The following CFAP69 variants were observed in gnomAD, a reference collection of about 807,000 sequenced individuals.
CFAP69 encodes cilia- and flagella-associated protein 69.
A neutral mutation model predicts 123.0 loss-of-function variants in CFAP69; 92 were observed. The ratio of observed to expected loss-of-function variants is 0.75; its 90% confidence interval spans 0.63 to 0.89. CFAP69 has a LOEUF of 0.89. Ranked by LOEUF, CFAP69 falls within the 40% of genes least tolerant of loss-of-function variation. CFAP69 has a pLI of 0.00. For synonymous variants in CFAP69, 380 were observed against 364.3 expected (o/e 1.04, Z -0.49); for missense variants, 1,067 against 1,096.9 (o/e 0.97, Z 0.39).
At chr7:90,282,762 TAA>T in intron 12 of CFAP69, 128 bp from the exon 13 acceptor site, 1 of 659,898 alleles carries the variant, frequency 1.5e-6, no homozygotes, top group Non-Finnish European at 2.2e-6. Flanking sequence ...TTTATTTCTC[TAA>T]AAAAAAACTA....
chr7:90,260,317 G>A (rs558553692), intron 3 of CFAP69, among the ~76,000 whole-genome samples: 1 of 152,002 alleles, frequency 6.6e-6, no homozygotes, highest in South Asian at 2.1e-4. Flanking sequence ...TTTGAGGCCA[G>A]GAGTTTGAAA....
At chr7:90,255,563 A>C in intron 2 of CFAP69, 81 bp downstream of exon 2, 2 of 1,045,278 alleles carry the variant, frequency 1.9e-6, no homozygotes, top group South Asian at 2.7e-5. Flanking sequence ...ATTCCTTCAA[A>C]TGTAAGTCTC....
the CFAP69 span, chr7:90,318,111 A>G: frequency 7.9e-5 from 12 of 152,190 alleles, no homozygotes; most frequent in African/African-American, 2.9e-4. Context: ...GGCTTTTACG[A>G]CATGCATTCA....
At chr7:90,293,206 G>A (rs2117234020) in intron 15 of CFAP69, among the ~76,000 whole-genome samples, 1 of 152,210 alleles carries the variant, frequency 6.6e-6, no homozygotes, top group South Asian at 2.1e-4. Flanking sequence ...CCTGTATGAT[G>A]TTTATACCAA....
At chr7:90,308,488 C>T (rs539674283) in intron 21 of CFAP69, among the ~76,000 whole-genome samples, 55 of 152,256 alleles carry the variant, frequency 3.6e-4, no homozygotes, top group Admixed American at 1.4e-3. Flanking sequence ...AAAAATCTCT[C>T]CTTCATTTCT....
rs1796195573 is a variant in CFAP69, at chr7:90,245,344, G to C, written c.-81G>C. 2 of 1,423,000 alleles carry C rather than the reference G, an allele frequency of 1.4e-6. No homozygotes were observed. The highest frequency in any genetic ancestry group is 2.8e-5 in the East Asian group (1 of 35,822). 88.1% of individuals were successfully genotyped at this position (1,423,000 alleles called of 1,614,324 possible). Reference sequence around the variant, plus strand: ...CAGGCTGCCTTCCCTTCTCGGTGGCGGGGCCTCTTTGGGCCCAGCGGCTGC... The same window carrying C: ...CAGGCTGCCTTCCCTTCTCGGTGGCCGGGCCTCTTTGGGCCCAGCGGCTGC... On this transcript the variant is annotated 5_prime_UTR_variant, in exon 1 of 23. Transcript: ENST00000389297.
intron 6 of CFAP69, among the ~76,000 whole-genome samples, chr7:90,268,693 A>C (rs1326265496): frequency 6.6e-6 from 1 of 152,142 alleles, no homozygotes; most frequent in Non-Finnish European, 1.5e-5. Context: ...ATTATTTTTT[A>C]AACACTTTAT....
At chr7:90,293,133 T>A (rs1312096912) in intron 15 of CFAP69, among the ~76,000 whole-genome samples, 1 of 152,212 alleles carries the variant, frequency 6.6e-6, no homozygotes, top group Non-Finnish European at 1.5e-5. Context: ...CACATACCAA[T>A]AACACATTTA....
chr7:90,281,899 A>G (rs1483911929), intron 12 of CFAP69, among the ~76,000 whole-genome samples: 2 of 152,204 alleles, frequency 1.3e-5, no homozygotes, highest in Admixed American at 6.5e-5. Flanking sequence ...CTATATATCA[A>G]TAAGAAAACA....
Position 90,277,120 on chromosome 7 carries a change from A to G in CFAP69, c.1032A>G (p.Glu344=), listed in dbSNP as rs1788731902. The G allele has an allele frequency of 6.3e-7, 1 of 1,578,866 alleles. No homozygotes were observed. Among genetic ancestry groups the G allele is most frequent in the South Asian group, 1.2e-5 (1 of 85,566 alleles). The change falls in exon 10 of 23, where the codon GAA becomes GAG. Residue 344 remains glutamate, a splice_region_variant and synonymous_variant. Coordinates refer to ENST00000389297, the MANE Select transcript of CFAP69 (RefSeq NM_001039706.3). Reference sequence around the variant, plus strand: ...TGATACTGTTTGCCACCTTTAATGAAGGTAAAAAGAATAAAACTTTAAACT... The same window carrying G: ...TGATACTGTTTGCCACCTTTAATGAGGGTAAAAAGAATAAAACTTTAAACT... ...KDLILFATFN[E]VKSQNLLVKG...
chr7:90,271,601 C>G lies in CFAP69; in HGVS notation c.608C>G (p.Ser203Ter). The change falls in exon 7 of 23, where the codon TCA (serine) becomes TGA (stop). Residue 203 changes from serine to a stop codon, truncating the protein, a stop_gained. Transcript: ENST00000389297. LOFTEE classifies it high-confidence loss of function. ...VGGLAKTMVQSMTLLENQLVE... is the reference protein window; with the variant it reads ...VGGLAKTMVQ ...GGATTAGCAAAAACAATGGTCCAGT[C>G]AATGACCTTGCTTGAAAATCAACTT... is the stretch of plus-strand genomic sequence containing the variant. 4.3e-6 allele frequency: 7 copies of G among 1,613,552 alleles called. No homozygotes were observed. Among genetic ancestry groups the G allele is most frequent in the Non-Finnish European group, 5.9e-6 (7 of 1,179,656 alleles).
intron 12 of CFAP69, 51 bp downstream of exon 12, chr7:90,279,944 C>G: frequency 7.1e-7 from 1 of 1,400,082 alleles, no homozygotes. Context: ...CATATTTCAA[C>G]TGAATGCTCA....
Position 90,274,117 on chromosome 7 carries a change from A to G in CFAP69, c.984+7A>G. 2 of 1,592,904 alleles carry G rather than the reference A, an allele frequency of 1.3e-6. No homozygotes were observed. The highest frequency in any genetic ancestry group is 1.4e-5 in the African/African-American group (1 of 73,452). On this transcript the variant is annotated splice_region_variant and intron_variant, in intron 9 of 22. Coordinates refer to ENST00000389297, the MANE Select transcript of CFAP69 (RefSeq NM_001039706.3). ...TCCTGAAGCACCAATGATTGTAAGT[A>G]TGAATCAAATTGCATTAATTTTAAT... is the stretch of plus-strand genomic sequence containing the variant.
chr7:90,290,618 C>G (rs1286869864), intron 15 of CFAP69, among the ~76,000 whole-genome samples: 2 of 152,136 alleles, frequency 1.3e-5, no homozygotes, highest in African/African-American at 4.8e-5. Flanking sequence ...CTGGGACCAC[C>G]TGAATGGGAG....
intron 16 of CFAP69, among the ~76,000 whole-genome samples, chr7:90,299,422 G>A (rs895994626): frequency 2.0e-5 from 3 of 152,046 alleles, no homozygotes; most frequent in African/African-American, 7.2e-5. Flanking sequence ...GTCATTTGCA[G>A]TTACCATCAG....
chr7:90,264,103 AAATATATATATATATATATATATAT>A lies in CFAP69; in HGVS notation c.357-1196_357-1172del, dbSNP rs1400190663. Among the ~76,000 whole-genome samples the A allele has an allele frequency of 7.3e-4, 24 of 32,728 alleles. 4 individuals are homozygous for A. Among genetic ancestry groups the A allele is most frequent in the African/African-American group, 2.2e-3 (21 of 9,572 alleles). The allele number at this position is 32,728 out of a possible 152,430, so 21.5% of individuals were successfully genotyped here. A position where few individuals can be genotyped will look rare whatever the true frequency, so the allele number is the denominator to read the frequency against. ...AAGACTCCATCTCGAAAAAAAAAAA[AAATATATATATATATATATATATAT>A]ATATATATATATATATATATATGAA... is the stretch of plus-strand genomic sequence containing the variant. On this transcript the variant is annotated intron_variant, in intron 4 of 22. Transcript: ENST00000389297.
At chr7:90,255,660 A>C (rs1238411435) in intron 2 of CFAP69, among the ~76,000 whole-genome samples, 178 bp downstream of exon 2, 1 of 152,166 alleles carries the variant, frequency 6.6e-6, no homozygotes, top group African/African-American at 2.4e-5. Context: ...ATATTTAATG[A>C]AGTGGGGAGA....
chr7:90,245,460 C>T lies in CFAP69; in HGVS notation c.36C>T (p.Ala12=), dbSNP rs17865323. The part of the protein sequence containing the change: ...WTEEAGATAE[A]QESGIRNKSS... Reference sequence around the variant, plus strand: ...AGGAAGCCGGGGCGACCGCCGAGGCCCAGGAATCCGGCATCAGGAACAAGT... The same window carrying T: ...AGGAAGCCGGGGCGACCGCCGAGGCTCAGGAATCCGGCATCAGGAACAAGT... The change falls in exon 1 of 23, where the codon GCC becomes GCT. Residue 12 remains alanine, a synonymous_variant. Coordinates refer to ENST00000389297, the MANE Select transcript of CFAP69 (RefSeq NM_001039706.3). The T allele has an allele frequency of 2.7e-3, 4,134 of 1,556,230 alleles. 124 individuals carry two copies. The African/African-American group carries it at 0.053, about 20-fold the overall frequency.
At chr7:90,256,607 C>T (rs1584323631) in intron 2 of CFAP69, among the ~76,000 whole-genome samples, 1 of 151,784 alleles carries the variant, frequency 6.6e-6, no homozygotes, top group East Asian at 1.9e-4. Flanking sequence ...GAATAGGAGG[C>T]ACAAAAATTT....
Sources: allele counts gnomAD v4.1 joint callset (sites outside exome capture counted in the v4.1 genomes callset), GRCh38; gene constraint gnomAD v4.1.1; transcripts MANE v1.5; gene names NCBI Gene and HGNC (gene_info 2026-07-23, HGNC 2026-07-21).